MAPT: variants seen among roughly 807,000 people sequenced by gnomAD.
The protein encoded by MAPT is microtubule associated protein tau.
MAPT carries 34 observed loss-of-function variants against 67.9 expected under a neutral mutation model. The ratio of observed to expected loss-of-function variants is 0.50; its 90% confidence interval spans 0.38 to 0.67. The LOEUF (loss-of-function observed/expected upper bound fraction) is 0.67. MAPT is among the 30% of genes least tolerant of loss of function. The pLI is 0.00. For synonymous variants in MAPT, 456 were observed against 464.5 expected (o/e 0.98, Z 0.23); for missense variants, 881 against 1,115.2 (o/e 0.79, Z 2.99).
At position 45,906,046 on chromosome 17, in the gene MAPT, C is replaced by T. The variant is rs1448494273; in HGVS notation, c.-18+11360C>T. Among the ~76,000 whole-genome samples the T allele has an allele frequency of 1.3e-5, 2 of 152,198 alleles. No individual in the cohort carries two copies. Among genetic ancestry groups the T allele is most frequent in the Non-Finnish European group, 2.9e-5 (2 of 68,028 alleles). On this transcript the variant is annotated intron_variant, in intron 1 of 12. Coordinates refer to ENST00000262410, the MANE Select transcript of MAPT (RefSeq NM_001377265.1). The surrounding 1 kb of genome is among the most constrained non-coding windows in gnomAD (Gnocchi z 4.3). ...GGGCTGAGCCAGCAGGGTCCGTGCC[C>T]AGGAGGGATGCATGGGTGGCCACAG...
chr17:46,022,964 C>T (rs563671853), intron 12 of MAPT, among the ~76,000 whole-genome samples: 5 of 152,270 alleles, frequency 3.3e-5, no homozygotes, highest in African/African-American at 1.2e-4. Flanking sequence ...TCCACCCATC[C>T]ACACATAAAA....
chr17:45,908,762 G>C (rs187749853), intron 1 of MAPT, among the ~76,000 whole-genome samples: 28 of 152,264 alleles, frequency 1.8e-4, no homozygotes, highest in Admixed American at 1.4e-3. Flanking sequence ...CTAAAAGCAA[G>C]AGTCATTTCT....
At chr17:45,956,571 TA>T (rs1568230574) in intron 1 of MAPT, among the ~76,000 whole-genome samples, 11,038 of 66,176 alleles carry the variant, frequency 0.17, 700 homozygotes, top group African/African-American at 0.22. Flanking sequence ...TATATATATA[TA>T]TATATATATA....
chr17:46,005,101 A>AGTAT (rs2075321287), intron 9 of MAPT, among the ~76,000 whole-genome samples: 1 of 152,200 alleles, frequency 6.6e-6, no homozygotes, highest in South Asian at 2.1e-4. Context: ...AACATTTCTA[A>AGTAT]GTATGTGGCA....
intron 11 of MAPT, among the ~76,000 whole-genome samples, chr17:46,018,031 G>T (rs1169670978): frequency 1.3e-5 from 2 of 151,664 alleles, no homozygotes; most frequent in East Asian, 4.0e-4. Flanking sequence ...TGTAGTCCCA[G>T]CCACTCGGTT....
At chr17:45,927,875 C>T (rs1353573571) in intron 1 of MAPT, among the ~76,000 whole-genome samples, 1 of 151,920 alleles carries the variant, frequency 6.6e-6, no homozygotes, top group Non-Finnish European at 1.5e-5. Context: ...TGGCAGGTGC[C>T]TGTAGTCCCA....
At chr17:46,011,848 C>T (rs1333092340) in intron 10 of MAPT, among the ~76,000 whole-genome samples, 6 of 152,220 alleles carry the variant, frequency 3.9e-5, no homozygotes, top group Admixed American at 3.9e-4. Context: ...ACCTGGATCC[C>T]GGCTTCTGCC....
At chr17:46,003,100 G>A (rs964632813) in intron 9 of MAPT, among the ~76,000 whole-genome samples, 2 of 95,538 alleles carry the variant, frequency 2.1e-5, no homozygotes, top group Non-Finnish European at 5.7e-5. Context: ...TTTTAAGGGC[G>A]TGTGTGTGTG....
chr17:46,023,525 A>G (rs1598423702), intron 12 of MAPT, among the ~76,000 whole-genome samples: 1 of 152,092 alleles, frequency 6.6e-6, no homozygotes, highest in African/African-American at 2.4e-5. Context: ...CACAGGTATT[A>G]CCAATTGGAA....
At chr17:46,022,676 C>A (rs1383244802) in intron 12 of MAPT, among the ~76,000 whole-genome samples, 2 of 152,176 alleles carry the variant, frequency 1.3e-5, no homozygotes, top group African/African-American at 4.8e-5. Context: ...TCAGGAATTG[C>A]TGTGCACTGC....
chr17:45,974,013 C>G (rs1278354243), intron 3 of MAPT: 1 of 279,200 alleles, frequency 3.6e-6, no homozygotes, highest in Non-Finnish European at 7.0e-6. Context: ...CCGCACTAAC[C>G]CCAGAGTCCC....
intron 1 of MAPT, among the ~76,000 whole-genome samples, chr17:45,941,077 T>C (rs2067806518): frequency 6.6e-6 from 1 of 152,140 alleles, no homozygotes; most frequent in African/African-American, 2.4e-5. Context: ...AGGGCTCCTG[T>C]TGGAAAACAG....
Position 46,024,355 on chromosome 17 carries a change from G to T in MAPT, c.*184G>T. The T allele has an allele frequency of 3.2e-6, 2 of 627,034 alleles. No homozygotes were observed. The highest frequency in any genetic ancestry group is 5.7e-6 in the Non-Finnish European group (2 of 349,254). The allele number at this position is 627,034 out of a possible 1,614,324, so 38.8% of individuals were successfully genotyped here. On this transcript the variant is annotated 3_prime_UTR_variant, in exon 13 of 13. Coordinates refer to ENST00000262410, the MANE Select transcript of MAPT (RefSeq NM_001377265.1). The stretch of plus-strand genomic sequence containing the variant: ...GCTCGGGACTTCAAAATCAGTGATG[G>T]GAGTAAGAGCAAATTTCATCTTTCC...
chr17:46,005,474 G>A (rs956051091), intron 9 of MAPT, among the ~76,000 whole-genome samples: 11 of 152,172 alleles, frequency 7.2e-5, no homozygotes, highest in East Asian at 5.8e-4. Flanking sequence ...AAAAATGATC[G>A]TCAAGCCTAC....
intron 1 of MAPT, among the ~76,000 whole-genome samples, chr17:45,902,098 G>A (rs1488180837): frequency 2.0e-5 from 3 of 151,734 alleles, no homozygotes; most frequent in Non-Finnish European, 4.4e-5. Flanking sequence ...TTTTTGAGAC[G>A]GAGTCTCGCT....
In MAPT at chr17:45,990,072, C is replaced by T. The variant is rs1319323554; in HGVS notation, c.1602C>T (p.Leu534=). The T allele has an allele frequency of 8.7e-6, 14 of 1,613,978 alleles. No individual in the cohort carries two copies. The highest frequency in any genetic ancestry group is 3.3e-4 in the Middle Eastern group (2 of 6,080). The change falls in exon 7 of 13, where the codon CTC becomes CTT. Residue 534 remains leucine, a synonymous_variant. Coordinates refer to ENST00000262410, the MANE Select transcript of MAPT (RefSeq NM_001377265.1). ...GTTCTGGAGCAAAGGAGATGAAACT[C>T]AAGGTAAGGAAACCACCTTTGAAAA... is the stretch of plus-strand genomic sequence containing the variant. The part of the protein sequence containing the change: ...TGSSGAKEMK[L]KGADGKTKIA...
chr17:45,962,183 C>T lies in MAPT; in HGVS notation c.-17-138C>T, dbSNP rs1006859254. 7.8e-5 allele frequency: 54 copies of T among 691,226 alleles called. No individual in the cohort carries two copies. The Admixed American group carries it at 1.2e-3, about 15-fold the overall frequency. The allele number at this position is 691,226 out of a possible 1,614,324, so 42.8% of individuals were successfully genotyped here. On this transcript the variant is annotated intron_variant, in intron 1 of 12. Transcript: ENST00000262410. ...ATATGGAGCACGGGATGAGGATGGG[C>T]GGCCAACTGTTAGAGAGGGTAGCAG...
At position 46,026,156 on chromosome 17, in the gene MAPT, A is replaced by G. The variant is rs968848596; in HGVS notation, c.*1985A>G. ...GTAAAGAGGTTTCTAACCCACCCTC[A>G]CGAGGTGTCTCTCACCCCCACACTG... On this transcript the variant is annotated 3_prime_UTR_variant, in exon 13 of 13. Transcript: ENST00000262410. 6.6e-6 allele frequency: 1 copy of G among 151,712 alleles called. No individual in the cohort carries two copies. Among genetic ancestry groups the G allele is most frequent in the African/African-American group, 2.4e-5 (1 of 41,120 alleles). 9.4% of individuals were successfully genotyped at this position (151,712 alleles called of 1,614,324 possible).
At chr17:45,928,649 G>A (rs1027494168) in intron 1 of MAPT, among the ~76,000 whole-genome samples, 3 of 151,940 alleles carry the variant, frequency 2.0e-5, no homozygotes, top group African/African-American at 7.3e-5. Context: ...CCCTGGGGTA[G>A]GGCCAGACAT....
Sources: allele counts gnomAD v4.1 joint callset (sites outside exome capture counted in the v4.1 genomes callset), GRCh38; gene constraint gnomAD v4.1.1; non-coding constraint Gnocchi (gnomAD v3.1); transcripts MANE v1.5; gene names NCBI Gene and HGNC (gene_info 2026-07-23, HGNC 2026-07-21).